Variants in FER1L6 observed in about 807,000 individuals in gnomAD.
FER1L6 encodes fer-1 like family member 6.
A neutral mutation model predicts 219.2 loss-of-function variants in FER1L6; 177 were observed. The ratio of observed to expected loss-of-function variants is 0.81; its 90% CI spans 0.71 to 0.91. The LOEUF (loss-of-function observed/expected upper bound fraction) is 0.91. Among genes scored for constraint, FER1L6 ranks in the 40% least tolerant of loss-of-function variants. The pLI is 0.00. For missense variants in FER1L6, 2,153 were observed against 2,259.9 expected (o/e 0.95, Z 0.96); for synonymous variants, 768 against 824.3 (o/e 0.93, Z 1.17).
intron 22 of FER1L6, among the ~76,000 whole-genome samples, chr8:124,056,487 T>C (rs183566288): frequency 9.4e-4 from 144 of 152,394 alleles, no homozygotes; most frequent in Admixed American, 2.2e-3. Context: ...CTATGTGGTA[T>C]AGATTTAACC....
intron 1 of FER1L6, among the ~76,000 whole-genome samples, chr8:123,936,156 T>C (rs1166161147): frequency 3.3e-5 from 5 of 152,146 alleles, no homozygotes; most frequent in Admixed American, 2.0e-4. Context: ...CTGATGTTAC[T>C]GTAGGAGGAA....
intron 1 of FER1L6, among the ~76,000 whole-genome samples, chr8:123,907,887 C>T (rs1315460287): frequency 6.6e-6 from 1 of 151,610 alleles, no homozygotes; most frequent in Non-Finnish European, 1.5e-5. Flanking sequence ...AATACTGCAC[C>T]ACACAGCACA....
intron 10 of FER1L6, among the ~76,000 whole-genome samples, chr8:123,978,060 G>A (rs559464668): frequency 6.6e-6 from 1 of 152,038 alleles, no homozygotes; most frequent in East Asian, 1.9e-4. Flanking sequence ...TGCTACTGTA[G>A]GGTCTGTGGT....
chr8:123,874,868 C>G (rs1009053015), intron 1 of FER1L6, among the ~76,000 whole-genome samples: 4 of 152,068 alleles, frequency 2.6e-5, no homozygotes, highest in African/African-American at 9.7e-5. Flanking sequence ...CTATATGTTC[C>G]TCCAGCTACC....
chr8:124,011,478 C>T (rs1156771298), intron 14 of FER1L6, among the ~76,000 whole-genome samples: 1 of 152,138 alleles, frequency 6.6e-6, no homozygotes, highest in Admixed American at 6.5e-5. Context: ...GCCTCAGCCT[C>T]CCATATAGCT....
chr8:123,936,878 A>G (rs1261792633), intron 1 of FER1L6, among the ~76,000 whole-genome samples: 4 of 152,188 alleles, frequency 2.6e-5, no homozygotes. Flanking sequence ...TAAAATGGTT[A>G]TCCTCATACA....
At chr8:124,108,066 A>G (rs756111302) in intron 39 of FER1L6, among the ~76,000 whole-genome samples, 2 of 152,200 alleles carry the variant, frequency 1.3e-5, no homozygotes, top group Non-Finnish European at 1.5e-5. Context: ...CAATGCATTC[A>G]AAGCTAACTG....
chr8:124,039,826 C>G, intron 19 of FER1L6, 56 bp from the exon 20 acceptor site: 1 of 1,610,724 alleles, frequency 6.2e-7, no homozygotes, highest in Non-Finnish European at 8.5e-7. Context: ...CACATGTGCA[C>G]ACACTGTTCT....
At chr8:124,015,616 T>TATGTATGTATATATA (rs1586593989) in intron 15 of FER1L6, among the ~76,000 whole-genome samples, 2 of 128,608 alleles carry the variant, frequency 1.6e-5, no homozygotes, top group African/African-American at 5.7e-5. Context: ...TATATATATA[T>TATGTATGTATATATA]TACTCCTGCT....
chr8:123,875,532 A>T (rs1479944789), intron 1 of FER1L6, among the ~76,000 whole-genome samples: 8 of 152,096 alleles, frequency 5.3e-5, no homozygotes, highest in Admixed American at 2.0e-4. Flanking sequence ...TGATTTCATG[A>T]TTTTAAATAC....
rs1044767950 is a variant in FER1L6 at position 123,852,482 on chromosome 8, GTGTGT to G, written c.-8+298_-8+302del. ...ATGTTGTGAGCATGCGTGTGTGTGTGTGTGTGTGTGTGTGTGTGTGTGTGTGTGTG... is the reference window on the plus strand; with the variant it reads ...ATGTTGTGAGCATGCGTGTGTGTGTGGTGTGTGTGTGTGTGTGTGTGTGTG... On this transcript the variant is annotated intron_variant, in intron 1 of 40. Transcript: ENST00000522917. The surrounding 1 kb of genome is among the most constrained non-coding windows in gnomAD (Gnocchi z 4.9). Among the ~76,000 whole-genome samples the G allele has an allele frequency of 5.5e-5, 8 of 146,424 alleles. No homozygotes were observed. Among genetic ancestry groups the G allele is most frequent in the Admixed American group, 2.0e-4 (3 of 14,720 alleles).
At chr8:123,900,262 A>G (rs959186815) in intron 1 of FER1L6, among the ~76,000 whole-genome samples, 4 of 152,010 alleles carry the variant, frequency 2.6e-5, no homozygotes, top group Non-Finnish European at 1.5e-5. Context: ...CAGCTATTCT[A>G]AAAGGGGTTG....
Position 124,115,756 on chromosome 8 carries a change from T to C in FER1L6, c.5290-3088T>C, listed in dbSNP as rs1200939813. On this transcript the variant is annotated intron_variant, in intron 39 of 40. Transcript: ENST00000522917. ...AAGCAACCGTATAGGGTACATGCTG[T>C]TAATAGCCTCAGTACAGTGAGACTT... Among the ~76,000 whole-genome samples, 10 of 152,212 alleles carry C rather than the reference T, an allele frequency of 6.6e-5. No homozygotes were observed. In the East Asian group the frequency reaches 1.9e-3, roughly 29 times the overall value.
intron 1 of FER1L6, among the ~76,000 whole-genome samples, chr8:123,932,193 C>G (rs928556452): frequency 1.3e-5 from 2 of 152,182 alleles, no homozygotes; most frequent in Non-Finnish European, 2.9e-5. Context: ...ACTACAACCT[C>G]TGCCTCCTGA....
chr8:124,084,710 C>T (rs996437209), intron 33 of FER1L6, among the ~76,000 whole-genome samples: 1 of 152,076 alleles, frequency 6.6e-6, no homozygotes, highest in African/African-American at 2.4e-5. Flanking sequence ...CATCAGTGTT[C>T]ATCAGGGATA....
At chr8:123,906,545 A>T (rs1451039075) in intron 1 of FER1L6, among the ~76,000 whole-genome samples, 1 of 152,164 alleles carries the variant, frequency 6.6e-6, no homozygotes, top group Admixed American at 6.6e-5. Flanking sequence ...CACACCTGTA[A>T]TCCCAGCACT....
chr8:123,908,859 T>C (rs530214286), intron 1 of FER1L6, among the ~76,000 whole-genome samples: 1 of 152,312 alleles, frequency 6.6e-6, no homozygotes, highest in African/African-American at 2.4e-5. Context: ...AATAGAAATA[T>C]ATGACGAAAC....
At chr8:124,029,242 G>A (rs187877696) in intron 18 of FER1L6, among the ~76,000 whole-genome samples, 109 of 152,274 alleles carry the variant, frequency 7.2e-4, no homozygotes, top group African/African-American at 2.4e-3. Context: ...GTAAACATAC[G>A]TGTGCATGTG....
chr8:124,097,579 G>A (rs1822361613), intron 36 of FER1L6, among the ~76,000 whole-genome samples: 1 of 152,110 alleles, frequency 6.6e-6, no homozygotes, highest in South Asian at 2.1e-4. Context: ...AGGAAGACCT[G>A]CTCATAGGAA....
Sources: gnomAD v4.1 joint callset for allele counts (sites outside exome capture counted in the v4.1 genomes callset) on GRCh38, gnomAD v4.1.1 for gene constraint, Gnocchi (gnomAD v3.1) non-coding constraint, MANE v1.5 for transcripts, NCBI Gene and HGNC (gene_info 2026-07-23, HGNC 2026-07-21) for gene names.